Variants in OCA2 observed in about 807,000 individuals in gnomAD.
The protein encoded by OCA2 is OCA2 melanosomal transmembrane protein.
In OCA2, 77 loss-of-function variants were observed where a neutral mutation model predicts 100.2. The ratio of observed to expected loss-of-function variants is 0.77; its 90% CI spans 0.64 to 0.93. The LOEUF (loss-of-function observed/expected upper bound fraction) is 0.93. OCA2 is among the 40% of genes least tolerant of loss of function. The pLI is 0.00. For missense variants in OCA2, 1,062 were observed against 1,089.1 expected (o/e 0.98, Z 0.35); for synonymous variants, 432 against 439.2 (o/e 0.98, Z 0.21).
chr15:27,953,892 C>T (rs1188350663), intron 17 of OCA2, among the ~76,000 whole-genome samples: 2 of 151,852 alleles, frequency 1.3e-5, no homozygotes, highest in Non-Finnish European at 2.9e-5. Context: ...AATGTGTAGT[C>T]TTTTATCCCT....
At chr15:27,970,363 A>T (rs2040732402) in intron 14 of OCA2, among the ~76,000 whole-genome samples, 1 of 152,094 alleles carries the variant, frequency 6.6e-6, no homozygotes. Context: ...CAAGAGAGAG[A>T]CACTGTCTCA....
intron 19 of OCA2, among the ~76,000 whole-genome samples, chr15:27,907,810 G>A (rs1228156742): frequency 6.6e-6 from 1 of 152,112 alleles, no homozygotes; most frequent in Non-Finnish European, 1.5e-5. Context: ...GACCCCATCT[G>A]ATTTAGAAAG....
chr15:28,071,921 A>G (rs1388570475), intron 2 of OCA2, among the ~76,000 whole-genome samples: 2 of 152,228 alleles, frequency 1.3e-5, no homozygotes, highest in Non-Finnish European at 2.9e-5. Flanking sequence ...GTGGGACCTA[A>G]TTAAACTCAA....
intron 14 of OCA2, among the ~76,000 whole-genome samples, chr15:27,981,622 GTT>G (rs1280146519): frequency 6.6e-6 from 1 of 152,174 alleles, no homozygotes; most frequent in Non-Finnish European, 1.5e-5. Context: ...AAATTAAGAG[GTT>G]CCAGTCTGCC....
the OCA2 span, among the ~76,000 whole-genome samples, chr15:27,722,082 C>G: frequency 2.0e-5 from 3 of 152,204 alleles, no homozygotes. Flanking sequence ...TGAACTTATT[C>G]AGCATAATTG....
chr15:27,732,301 A>G, the OCA2 span, among the ~76,000 whole-genome samples: 1 of 152,208 alleles, frequency 6.6e-6, no homozygotes, highest in Non-Finnish European at 1.5e-5. Context: ...CTAATGGTGT[A>G]TGGTTGGTTT....
At chr15:27,956,566 A>T (rs1232152318) in intron 16 of OCA2, among the ~76,000 whole-genome samples, 1 of 152,120 alleles carries the variant, frequency 6.6e-6, no homozygotes, top group Non-Finnish European at 1.5e-5. Flanking sequence ...TGTCTTTAAC[A>T]CCCAACACCA....
chr15:27,985,624 T>G (rs970493281), intron 12 of OCA2, among the ~76,000 whole-genome samples: 39 of 152,012 alleles, frequency 2.6e-4, no homozygotes, highest in African/African-American at 9.4e-4. Context: ...ATGTATAAGG[T>G]GGGGCTCAAA....
chr15:27,800,104 C>G (rs1189795918), intron 23 of OCA2, among the ~76,000 whole-genome samples: 1 of 152,094 alleles, frequency 6.6e-6, no homozygotes, highest in Non-Finnish European at 1.5e-5. Context: ...TCTAAATAAC[C>G]TGTAGATCAA....
At chr15:27,851,298 A>G in intron 22 of OCA2, 84 bp downstream of exon 22, 1 of 1,118,356 alleles carries the variant, frequency 8.9e-7, no homozygotes, top group Non-Finnish European at 1.3e-6. Flanking sequence ...TTTGCTTTTA[A>G]TCTGATACAC....
chr15:28,064,409 A>G (rs988106576), intron 2 of OCA2, among the ~76,000 whole-genome samples: 3 of 151,538 alleles, frequency 2.0e-5, no homozygotes, highest in African/African-American at 7.3e-5. Context: ...TGTATGTTGT[A>G]CTATTTGATG....
intron 21 of OCA2, among the ~76,000 whole-genome samples, chr15:27,854,850 G>A (rs1292099761): frequency 1.3e-4 from 20 of 152,122 alleles, no homozygotes; most frequent in Admixed American, 1.3e-3. Context: ...CCGGAACAAG[G>A]AGACAGGGTC....
rs758859062 is a variant in OCA2, at chr15:27,844,977, G to A, written c.2414C>T (p.Ser805Phe). Residue 805 changes from serine to phenylalanine, a missense_variant, in exon 23 of 24, where the codon TCC becomes TTC. Coordinates refer to ENST00000354638, the MANE Select transcript of OCA2 (RefSeq NM_000275.3). Reference sequence around the variant, plus strand: ...AAAGTACCTGAAAAATTCCATGAAGGAGAACCCATATCCATGCTGTTCTGC... The same window carrying A: ...AAAGTACCTGAAAAATTCCATGAAGAAGAACCCATATCCATGCTGTTCTGC... ...GIAEQHGYGF[S>F]FMEFFRLGFP... 3.1e-6 allele frequency: 5 copies of A among 1,612,366 alleles called. No homozygotes were observed. The highest frequency in any genetic ancestry group is 3.3e-5 in the Admixed American group (2 of 59,980).
At chr15:27,724,586 C>T in the OCA2 span, among the ~76,000 whole-genome samples, 3 of 152,080 alleles carry the variant, frequency 2.0e-5, no homozygotes, top group Non-Finnish European at 4.4e-5. Flanking sequence ...GCCCCTGACC[C>T]CAGGGGCTTC....
intron 23 of OCA2, among the ~76,000 whole-genome samples, chr15:27,842,272 G>A (rs1167366361): frequency 6.6e-6 from 1 of 152,162 alleles, no homozygotes; most frequent in African/African-American, 2.4e-5. Flanking sequence ...ATGGTAGGCA[G>A]GAAAAATGTA....
At chr15:28,077,421 G>A (rs1395412008) in intron 2 of OCA2, among the ~76,000 whole-genome samples, 4 of 152,072 alleles carry the variant, frequency 2.6e-5, no homozygotes, top group African/African-American at 9.7e-5. Flanking sequence ...TCTTTAATTT[G>A]GCAATTTTGT....
chr15:27,874,868 A>G (rs1280347969), intron 19 of OCA2, among the ~76,000 whole-genome samples: 1 of 152,230 alleles, frequency 6.6e-6, no homozygotes. Context: ...GTAATAAATC[A>G]TAATAGAAAT....
the OCA2 span, among the ~76,000 whole-genome samples, chr15:27,726,930 C>T: frequency 6.6e-6 from 1 of 152,162 alleles, no homozygotes; most frequent in Non-Finnish European, 1.5e-5. Flanking sequence ...GAAAGCAGAG[C>T]GCTGCACATG....
At chr15:27,876,643 C>T (rs2036803339) in intron 19 of OCA2, among the ~76,000 whole-genome samples, 2 of 151,882 alleles carry the variant, frequency 1.3e-5, no homozygotes, top group East Asian at 3.9e-4. Flanking sequence ...TTTTGATTTT[C>T]TATTAAAACG....
Sources: allele counts gnomAD v4.1 joint callset (sites outside exome capture counted in the v4.1 genomes callset), GRCh38; gene constraint gnomAD v4.1.1; transcripts MANE v1.5; gene names NCBI Gene and HGNC (gene_info 2026-07-23, HGNC 2026-07-21).